EXD3: variants seen among roughly 807,000 people sequenced by gnomAD.
EXD3 encodes exonuclease 3'-5' domain containing 3.
Under a neutral mutation model 98.0 loss-of-function variants are expected in EXD3, and 92 were observed. The ratio of observed to expected loss-of-function variants is 0.94; its 90% CI spans 0.79 to 1.12. The LOEUF is 1.12. Among genes scored for constraint, EXD3 ranks in the 50% most tolerant of loss-of-function variants. The pLI is 0.00. For synonymous variants in EXD3, 569 were observed against 526.0 expected (o/e 1.08, Z -1.12); for missense variants, 1,222 against 1,191.6 (o/e 1.03, Z -0.38).
At chr9:137,322,605 C>T (rs1426738835) in intron 19 of EXD3, among the ~76,000 whole-genome samples, 1 of 103,126 alleles carries the variant, frequency 9.7e-6, no homozygotes, top group Non-Finnish European at 2.0e-5. Flanking sequence ...GGATGCTCTG[C>T]CGACACCTCA....
chr9:137,414,158 C>T (rs1198454323), intron 1 of EXD3, among the ~76,000 whole-genome samples: 1 of 152,128 alleles, frequency 6.6e-6, no homozygotes, highest in Non-Finnish European at 1.5e-5. Flanking sequence ...ACCTCGTGAT[C>T]CACCTCCCTT....
intron 20 of EXD3, among the ~76,000 whole-genome samples, chr9:137,308,945 T>C (rs1831212157): frequency 2.0e-5 from 3 of 152,180 alleles, no homozygotes; most frequent in Admixed American, 2.0e-4. Flanking sequence ...GCGCCCAGCC[T>C]GGACTGACCT....
At chr9:137,321,306 C>T (rs1832020692) in intron 19 of EXD3, among the ~76,000 whole-genome samples, 1 of 152,240 alleles carries the variant, frequency 6.6e-6, no homozygotes, top group African/African-American at 2.4e-5. Context: ...CCCCTCCCTG[C>T]CCAGCCCAGG....
chr9:137,308,586 C>T (rs1413260987), intron 20 of EXD3, among the ~76,000 whole-genome samples: 1 of 151,646 alleles, frequency 6.6e-6, no homozygotes, highest in Non-Finnish European at 1.5e-5. Context: ...GCTGGCCACC[C>T]TGGGTGATGG....
chr9:137,357,455 C>T (rs1250187977), intron 7 of EXD3, among the ~76,000 whole-genome samples: 4 of 152,054 alleles, frequency 2.6e-5, no homozygotes, highest in African/African-American at 4.8e-5. Flanking sequence ...GTATTTTGTA[C>T]TGCTTTTTGG....
chr9:137,362,583 C>T (rs1372293122), intron 7 of EXD3, among the ~76,000 whole-genome samples: 2 of 151,808 alleles, frequency 1.3e-5, no homozygotes, highest in East Asian at 1.9e-4. Flanking sequence ...GTAGCCTCGA[C>T]CTCTTGGGCT....
intron 17 of EXD3, among the ~76,000 whole-genome samples, chr9:137,329,833 A>C (rs202169433): frequency 4.2e-3 from 1 of 238 alleles, no homozygotes; most frequent in African/African-American, 0.026. Flanking sequence ...GGGACTACAC[A>C]GGAGCTACAC....
At chr9:137,308,891 C>T (rs907580780) in intron 20 of EXD3, among the ~76,000 whole-genome samples, 14 of 152,046 alleles carry the variant, frequency 9.2e-5, no homozygotes, top group Non-Finnish European at 1.3e-4. Context: ...GTGATCTGCC[C>T]GCCTCGGCCT....
intron 3 of EXD3, among the ~76,000 whole-genome samples, chr9:137,378,447 G>A (rs1450871314): frequency 6.6e-6 from 1 of 152,176 alleles, no homozygotes; most frequent in African/African-American, 2.4e-5. Context: ...CTGACCTCAG[G>A]TGATCCTATC....
rs917595096 is a variant in EXD3 at position 137,395,943 on chromosome 9, G to GT, written c.-47-540dup. 1.9e-4 allele frequency among the ~76,000 whole-genome samples: 29 copies of GT among 149,392 alleles called. No individual in the cohort carries two copies. The highest frequency in any genetic ancestry group is 7.3e-4 in the Admixed American group (11 of 14,972). On this transcript the variant is annotated intron_variant, in intron 1 of 21. Transcript: ENST00000340951. This position sits in a 1 kb window ranked among gnomAD's most constrained non-coding sequence, Gnocchi z 6.5. ...GGCAGACCTCAGTCTCCCTCAGAGT[G>GT]TTTTTTTTTCTTTTCTTTCTTTCTT... is the stretch of plus-strand genomic sequence containing the variant.
chr9:137,383,883 A>G (rs1836450975), intron 2 of EXD3, among the ~76,000 whole-genome samples: 1 of 152,066 alleles, frequency 6.6e-6, no homozygotes, highest in Admixed American at 6.5e-5. Context: ...CTGCAGCAAA[A>G]GTGCCAACCA....
chr9:137,389,639 G>A (rs1434013232), intron 2 of EXD3, among the ~76,000 whole-genome samples: 3 of 152,052 alleles, frequency 2.0e-5, no homozygotes, highest in South Asian at 2.1e-4. Context: ...GTGCTGGGAC[G>A]CTCGGAGCGA....
chr9:137,410,860 C>G (rs1050092980), intron 1 of EXD3, among the ~76,000 whole-genome samples: 1 of 152,088 alleles, frequency 6.6e-6, no homozygotes, highest in Non-Finnish European at 1.5e-5. Context: ...GAGTGAGGTC[C>G]AAGGCTCTGC....
intron 3 of EXD3, among the ~76,000 whole-genome samples, chr9:137,375,104 G>A (rs548405605): frequency 1.2e-4 from 19 of 152,258 alleles, no homozygotes; most frequent in Non-Finnish European, 2.6e-4. Context: ...CGCCTCCCGG[G>A]TTCACGCCAT....
chr9:137,307,803 G>A (rs1047765476), intron 20 of EXD3, among the ~76,000 whole-genome samples, 157 bp from the exon 21 acceptor site: 1 of 152,246 alleles, frequency 6.6e-6, no homozygotes, highest in Non-Finnish European at 1.5e-5. Context: ...GCAGAGGGCA[G>A]GGGGCCAAGG....
intron 3 of EXD3, among the ~76,000 whole-genome samples, chr9:137,376,868 G>A (rs1048218168): frequency 3.3e-5 from 5 of 150,836 alleles, no homozygotes; most frequent in Non-Finnish European, 5.9e-5. Flanking sequence ...GGCGGAGGTC[G>A]CGGTGAGCCG....
intron 19 of EXD3, among the ~76,000 whole-genome samples, chr9:137,313,638 G>A (rs1831479916): frequency 6.6e-6 from 1 of 152,144 alleles, no homozygotes; most frequent in Non-Finnish European, 1.5e-5. Flanking sequence ...GGGTGTGGCA[G>A]GTGGGGTCCG....
At chr9:137,376,139 T>C (rs952377196) in intron 3 of EXD3, among the ~76,000 whole-genome samples, 7 of 151,614 alleles carry the variant, frequency 4.6e-5, no homozygotes, top group Non-Finnish European at 8.8e-5. Context: ...GGTCAGGAGA[T>C]AGAGACCAGC....
intron 5 of EXD3, among the ~76,000 whole-genome samples, chr9:137,369,813 G>A (rs1835498661): frequency 6.6e-6 from 1 of 152,224 alleles, no homozygotes; most frequent in Non-Finnish European, 1.5e-5. Flanking sequence ...AGTTCAAAGT[G>A]CCCAGCTCAG....
Sources: gnomAD v4.1 joint callset for allele counts (sites outside exome capture counted in the v4.1 genomes callset) on GRCh38, gnomAD v4.1.1 for gene constraint, Gnocchi (gnomAD v3.1) non-coding constraint, MANE v1.5 for transcripts, NCBI Gene and HGNC (gene_info 2026-07-23, HGNC 2026-07-21) for gene names.